CFAP299: variants seen among roughly 807,000 people sequenced by gnomAD.
CFAP299 encodes cilia and flagella associated protein 299.
CFAP299 carries 21 observed loss-of-function variants against 27.0 expected under a neutral mutation model. The ratio of observed to expected loss-of-function variants is 0.78; its 90% CI spans 0.55 to 1.12. The LOEUF is 1.12. CFAP299 is among the 50% of genes most tolerant of loss of function. CFAP299 has a pLI of 0.00. For synonymous variants in CFAP299, 104 were observed against 98.1 expected (o/e 1.06, Z -0.36); for missense variants, 310 against 276.6 (o/e 1.12, Z -0.86).
At chr4:80,601,485 G>C in intron 3 of CFAP299, among the ~76,000 whole-genome samples, 1 of 152,128 alleles carries the variant, frequency 6.6e-6, no homozygotes, top group East Asian at 1.9e-4. Context: ...AATTAGTTGA[G>C]AGAAAATTCT....
intron 3 of CFAP299, among the ~76,000 whole-genome samples, chr4:80,869,772 A>G (rs1046139763): frequency 3.9e-5 from 6 of 152,224 alleles, no homozygotes; most frequent in African/African-American, 1.4e-4. Context: ...TCGGCCTCCC[A>G]AAGTGCTGGG....
chr4:80,841,904 T>C (rs1457995440), intron 3 of CFAP299, among the ~76,000 whole-genome samples: 1 of 152,114 alleles, frequency 6.6e-6, no homozygotes, highest in Non-Finnish European at 1.5e-5. Context: ...AAAAAAGGTC[T>C]TGGCAAGAAG....
chr4:80,642,668 G>T (rs1019336850), intron 3 of CFAP299, among the ~76,000 whole-genome samples: 1 of 152,080 alleles, frequency 6.6e-6, no homozygotes, highest in Non-Finnish European at 1.5e-5. Flanking sequence ...AGTGGCTGAG[G>T]CAGGAGAATC....
At chr4:80,484,353 A>C (rs918543480) in intron 2 of CFAP299, among the ~76,000 whole-genome samples, 8 of 152,264 alleles carry the variant, frequency 5.3e-5, no homozygotes, top group African/African-American at 1.7e-4. Flanking sequence ...TATTTTCCCC[A>C]TATACCTGTA....
chr4:80,910,264 G>T (rs1311730787), intron 4 of CFAP299, among the ~76,000 whole-genome samples: 1 of 152,112 alleles, frequency 6.6e-6, no homozygotes, highest in Admixed American at 6.5e-5. Flanking sequence ...TTGTGGAAAA[G>T]AGTGTGGTGA....
chr4:80,548,211 T>G (rs1439978414), intron 2 of CFAP299, among the ~76,000 whole-genome samples: 1 of 152,120 alleles, frequency 6.6e-6, no homozygotes, highest in Non-Finnish European at 1.5e-5. Context: ...AAGAATGAGA[T>G]CATGTCCTTT....
At chr4:80,387,156 C>T in intron 2 of CFAP299, 4 of 1,371,814 alleles carry the variant, frequency 2.9e-6, no homozygotes, top group South Asian at 1.2e-5. Context: ...ACGGCACTGC[C>T]CTTCTTGGGG....
intron 2 of CFAP299, among the ~76,000 whole-genome samples, chr4:80,511,000 A>C (rs1732269445): frequency 1.3e-5 from 2 of 152,148 alleles, no homozygotes; most frequent in South Asian, 4.1e-4. Flanking sequence ...TATTTCTCTG[A>C]GAAGAAACTT....
intron 2 of CFAP299, among the ~76,000 whole-genome samples, chr4:80,564,550 A>G (rs188297449): frequency 3.4e-4 from 51 of 152,164 alleles, no homozygotes; most frequent in Admixed American, 5.9e-4. Context: ...AAAGCCATGT[A>G]TGAAGATTCA....
At chr4:80,369,273 C>A (rs1436154125) in intron 2 of CFAP299, among the ~76,000 whole-genome samples, 3 of 152,214 alleles carry the variant, frequency 2.0e-5, no homozygotes, top group Non-Finnish European at 4.4e-5. Flanking sequence ...TTCATGCGCA[C>A]ATGGAGCAGC....
intron 3 of CFAP299, among the ~76,000 whole-genome samples, chr4:80,585,557 C>T (rs1051810164): frequency 1.3e-5 from 2 of 151,964 alleles, no homozygotes; most frequent in Non-Finnish European, 2.9e-5. Flanking sequence ...GCAATGAAGC[C>T]AAAGAGATGG....
chr4:80,570,511 T>G (rs1001670471), intron 2 of CFAP299, among the ~76,000 whole-genome samples: 7 of 152,030 alleles, frequency 4.6e-5, no homozygotes, highest in Non-Finnish European at 1.0e-4. Flanking sequence ...AAAACATCAA[T>G]AAAAATAGGA....
chr4:80,763,260 A>G lies in CFAP299; in HGVS notation c.334-106733A>G, dbSNP rs62302209. On this transcript the variant is annotated intron_variant, in intron 3 of 5. Coordinates refer to ENST00000358105, the MANE Select transcript of CFAP299 (RefSeq NM_152770.3). Reference sequence around the variant, plus strand: ...TGATAAGCAACTTCAGCAAAGTCTAAGGATACAAAATTAATATGCAAAAAT... The same window carrying G: ...TGATAAGCAACTTCAGCAAAGTCTAGGGATACAAAATTAATATGCAAAAAT... Among the ~76,000 whole-genome samples the G allele has an allele frequency of 2.0e-5, 3 of 152,218 alleles. No homozygotes were observed. In the East Asian group the frequency reaches 5.8e-4, roughly 29 times the overall value.
intron 3 of CFAP299, among the ~76,000 whole-genome samples, chr4:80,626,214 G>A (rs1560664051): frequency 6.6e-6 from 1 of 151,872 alleles, no homozygotes; most frequent in Non-Finnish European, 1.5e-5. Flanking sequence ...CAATTAATTA[G>A]AATTAACATA....
intron 2 of CFAP299, among the ~76,000 whole-genome samples, chr4:80,366,576 C>T (rs1016701593): frequency 6.6e-6 from 1 of 152,102 alleles, no homozygotes. Context: ...TAGTTCTCAC[C>T]CTCAAGAAGC....
chr4:80,576,159 A>G (rs1269725849), intron 2 of CFAP299, among the ~76,000 whole-genome samples: 2 of 141,784 alleles, frequency 1.4e-5, no homozygotes, highest in African/African-American at 2.6e-5. Context: ...CATTGTGCAC[A>G]TGTACCCTAG....
At chr4:80,552,753 G>A (rs981381699) in intron 2 of CFAP299, among the ~76,000 whole-genome samples, 2 of 152,090 alleles carry the variant, frequency 1.3e-5, no homozygotes, top group Admixed American at 6.6e-5. Context: ...AATGGCATGA[G>A]TATAGCTTAC....
At chr4:80,686,768 A>T (rs1388148041) in intron 3 of CFAP299, among the ~76,000 whole-genome samples, 1 of 152,196 alleles carries the variant, frequency 6.6e-6, no homozygotes, top group African/African-American at 2.4e-5. Flanking sequence ...GCAGAATGAA[A>T]ATATGGACAA....
chr4:80,539,878 G>A (rs1316519835), intron 2 of CFAP299, among the ~76,000 whole-genome samples: 2 of 152,174 alleles, frequency 1.3e-5, no homozygotes, highest in East Asian at 1.9e-4. Context: ...ATTTGCAGGA[G>A]ATTTGGATTT....
Sources: gnomAD v4.1 joint callset for allele counts (sites outside exome capture counted in the v4.1 genomes callset) on GRCh38, gnomAD v4.1.1 for gene constraint, MANE v1.5 for transcripts, NCBI Gene and HGNC (gene_info 2026-07-23, HGNC 2026-07-21) for gene names.